Variants in SH3GL3 observed in about 807,000 individuals in gnomAD.
SH3GL3 encodes SH3 domain containing GRB2 like 3, endophilin A3.
Under a neutral mutation model 47.7 loss-of-function variants are expected in SH3GL3, and 33 were observed. That is an observed-to-expected ratio of 0.69 (90% CI 0.52 to 0.92). SH3GL3 has a LOEUF of 0.92. Among genes scored for constraint, SH3GL3 ranks in the 40% least tolerant of loss-of-function variants. SH3GL3 has a pLI of 0.00. For missense variants in SH3GL3, 363 were observed against 417.8 expected (o/e 0.87, Z 1.14); for synonymous variants, 155 against 148.8 (o/e 1.04, Z -0.30).
At chr15:83,466,902 A>G (rs972961732) in intron 1 of SH3GL3, among the ~76,000 whole-genome samples, 1 of 152,324 alleles carries the variant, frequency 6.6e-6, no homozygotes, top group Admixed American at 6.5e-5. Context: ...TTGGGTTTTT[A>G]AAAAACTGTT....
chr15:83,462,884 CCTGCCCCTGATGTTGTATAAGAATAT>C (rs747777934), intron 1 of SH3GL3, among the ~76,000 whole-genome samples: 1 of 152,152 alleles, frequency 6.6e-6, no homozygotes, highest in African/African-American at 2.4e-5. Flanking sequence ...CTGATAATCA[CCTGCCCCTGATGTTGTATAAGAATAT>C]CTATCCAGGA....
chr15:83,509,874 T>C lies in SH3GL3; in HGVS notation c.46-49379T>C, dbSNP rs1029328364. Among the ~76,000 whole-genome samples the C allele has an allele frequency of 2.6e-5, 4 of 152,302 alleles. No individual in the cohort carries two copies. In the East Asian group the frequency reaches 7.7e-4, roughly 29 times the overall value. ...ACAAAGCCTATTTTAAATTATACCC[T>C]TGGAAAAATTAAACCAAAACACTGC... is the stretch of plus-strand genomic sequence containing the variant. On this transcript the variant is annotated intron_variant, in intron 1 of 8. Coordinates refer to ENST00000427482, the MANE Select transcript of SH3GL3 (RefSeq NM_003027.5).
intron 6 of SH3GL3, among the ~76,000 whole-genome samples, chr15:83,580,708 C>T (rs17158807): frequency 0.11 from 17,083 of 152,262 alleles, 1,139 homozygotes; most frequent in South Asian, 0.17. Flanking sequence ...CTTGCACCTT[C>T]GGTGGATGAC....
At chr15:83,595,343 G>T (rs894650175) in intron 8 of SH3GL3, among the ~76,000 whole-genome samples, 9 of 152,128 alleles carry the variant, frequency 5.9e-5, no homozygotes, top group Non-Finnish European at 1.0e-4. Flanking sequence ...AGCCAGTGGG[G>T]CCTGCTTGAG....
intron 8 of SH3GL3, among the ~76,000 whole-genome samples, chr15:83,596,355 G>T (rs544908846): frequency 4.1e-4 from 63 of 152,176 alleles, no homozygotes; most frequent in African/African-American, 1.4e-3. Flanking sequence ...ATTCTTATTG[G>T]GTAGGGTGCT....
intron 1 of SH3GL3, among the ~76,000 whole-genome samples, chr15:83,468,100 G>A (rs1313293236): frequency 1.3e-5 from 2 of 152,292 alleles, no homozygotes; most frequent in Admixed American, 1.3e-4. Context: ...AAAGTGCTGG[G>A]ATTACAGGCA....
At chr15:83,491,462 C>G (rs1338822596) in intron 1 of SH3GL3, among the ~76,000 whole-genome samples, 2 of 152,152 alleles carry the variant, frequency 1.3e-5, no homozygotes, top group Non-Finnish European at 2.9e-5. Context: ...GCAGACTTTT[C>G]TTGTGAAGTG....
chr15:83,592,683 G>A (rs1056741767), intron 8 of SH3GL3, among the ~76,000 whole-genome samples: 1 of 152,162 alleles, frequency 6.6e-6, no homozygotes, highest in Non-Finnish European at 1.5e-5. Context: ...GCTCGCTGAG[G>A]AATCTTTTAA....
intron 1 of SH3GL3, among the ~76,000 whole-genome samples, chr15:83,521,837 C>A (rs981478419): frequency 4.6e-5 from 7 of 152,142 alleles, no homozygotes; most frequent in African/African-American, 9.7e-5. Context: ...GATTCTGGGG[C>A]AGTGTTTGCT....
chr15:83,474,920 CA>C (rs2041025577), intron 1 of SH3GL3, among the ~76,000 whole-genome samples: 1 of 152,102 alleles, frequency 6.6e-6, no homozygotes, highest in South Asian at 2.1e-4. Context: ...GGCAGCCTCA[CA>C]AGTGGGCTGA....
intron 1 of SH3GL3, among the ~76,000 whole-genome samples, chr15:83,471,923 A>C (rs1162139624): frequency 1.3e-5 from 2 of 151,630 alleles, no homozygotes; most frequent in East Asian, 3.9e-4. Context: ...CGCTCTTGTC[A>C]CTCAGGCTGG....
At position 83,588,820 on chromosome 15, in the gene SH3GL3, C is replaced by G. The variant is rs759476113; in HGVS notation, c.838+49C>G. ...TAAGTGTGCCTTTAGTAAAGCACTT[C>G]TAGAAACACTTATTTACTGCTTGTT... On this transcript the variant is annotated intron_variant, in intron 8 of 8. Coordinates refer to ENST00000427482, the MANE Select transcript of SH3GL3 (RefSeq NM_003027.5). The G allele has an allele frequency of 3.2e-6, 3 of 931,206 alleles. No homozygotes were observed. The South Asian group carries it at 4.0e-5, about 12-fold the overall frequency. 57.7% of individuals were successfully genotyped at this position (931,206 alleles called of 1,614,324 possible). A position where few individuals can be genotyped will look rare whatever the true frequency, so the allele number is the denominator to read the frequency against.
chr15:83,615,650 T>C (rs1254189212), intron 8 of SH3GL3, among the ~76,000 whole-genome samples: 3 of 152,272 alleles, frequency 2.0e-5, no homozygotes, highest in African/African-American at 7.2e-5. Flanking sequence ...TTTAAAATGA[T>C]ATGGTACTGT....
chr15:83,462,090 T>A (rs905115491), intron 1 of SH3GL3, among the ~76,000 whole-genome samples: 2 of 152,240 alleles, frequency 1.3e-5, no homozygotes, highest in African/African-American at 2.4e-5. Flanking sequence ...ACCATTCTTT[T>A]CTAAAGCGCT....
chr15:83,626,338 T>A, the SH3GL3 span, among the ~76,000 whole-genome samples: 1 of 152,172 alleles, frequency 6.6e-6, no homozygotes, highest in Admixed American at 6.5e-5. Context: ...TCCTCTCCTC[T>A]TCTTCTCTAG....
intron 1 of SH3GL3, among the ~76,000 whole-genome samples, chr15:83,535,838 A>G (rs537806887): frequency 7.9e-5 from 12 of 152,210 alleles, no homozygotes; most frequent in Non-Finnish European, 1.5e-4. Flanking sequence ...GAAACTTTAG[A>G]GATATATGGG....
At chr15:83,459,111 T>C (rs2040144589) in intron 1 of SH3GL3, among the ~76,000 whole-genome samples, 2 of 152,190 alleles carry the variant, frequency 1.3e-5, no homozygotes, top group Admixed American at 6.5e-5. Flanking sequence ...GAGTCCAATG[T>C]TCGAGGGCAG....
chr15:83,489,640 G>C lies in SH3GL3; in HGVS notation c.45+42062G>C, dbSNP rs541185453. Among the ~76,000 whole-genome samples the C allele has an allele frequency of 2.0e-5, 3 of 152,306 alleles. No homozygotes were observed. In the South Asian group the frequency reaches 6.2e-4, roughly 32 times the overall value. On this transcript the variant is annotated intron_variant, in intron 1 of 8. Transcript: ENST00000427482. ...GCACAGTGCTTTTGGATTTCAGCCT[G>C]CTTCTGCTTTGTGATCTTGGGAAAG...
downstream of SH3GL3, among the ~76,000 whole-genome samples, chr15:83,621,688 C>T (rs1052964195): frequency 5.3e-5 from 8 of 152,296 alleles, 1 homozygote; most frequent in East Asian, 9.6e-4. Flanking sequence ...CGCAAACCTT[C>T]GAAGAGTTTA....
Sources: gnomAD v4.1 joint callset for allele counts (sites outside exome capture counted in the v4.1 genomes callset) on GRCh38, gnomAD v4.1.1 for gene constraint, MANE v1.5 for transcripts, NCBI Gene and HGNC (gene_info 2026-07-23, HGNC 2026-07-21) for gene names.